Variants in C1orf159 observed in about 807,000 individuals in gnomAD.
C1orf159 encodes chromosome 1 open reading frame 159, also known as uncharacterized protein C1orf159.
Under a neutral mutation model 25.6 loss-of-function variants are expected in C1orf159, and 19 were observed. The ratio of observed to expected loss-of-function variants is 0.74; its 90% CI spans 0.52 to 1.09. C1orf159 has a LOEUF of 1.09. Ranked by LOEUF, C1orf159 falls within the 50% of genes least tolerant of loss-of-function variation. C1orf159 has a pLI of 0.00. For missense variants in C1orf159, 274 were observed against 290.6 expected, an observed-to-expected ratio of 0.94 and a Z score of 0.42; for synonymous variants, 139 against 124.7, an observed-to-expected ratio of 1.12 and a Z score of -0.77.
intron 9 of C1orf159, 182 bp downstream of exon 9, chr1:1,084,171 A>G (rs763694985): frequency 6.5e-7 from 1 of 1,534,854 alleles, no homozygotes; most frequent in Non-Finnish European, 8.8e-7. Flanking sequence ...TGAGATCCAG[A>G]GCAGGGGGCA....
chr1:1,112,610 T>C lies in C1orf159; in HGVS notation c.-136+3450A>G, dbSNP rs11804387. ...CCCCCAGTGAATACACGGGGCATGC[T>C]CCCTCCCTCCAGTGAACACACCGGG... On this transcript the variant is annotated intron_variant, in intron 1 of 9. Coordinates refer to ENST00000421241, the MANE Select transcript of C1orf159 (RefSeq NM_017891.5). Among the ~76,000 whole-genome samples the C allele has an allele frequency of 5.7e-3, 861 of 151,814 alleles. 7 individuals carry two copies. The highest frequency in any genetic ancestry group is 0.02 in the African/African-American group (819 of 41,360).
Position 1,098,227 on chromosome 1 carries a change from G to A in C1orf159, c.-135-6124C>T, listed in dbSNP as rs561678581. On this transcript the variant is annotated intron_variant, in intron 1 of 9. Transcript: ENST00000421241. ...TGGGATTACAGGTGTGCACCACCAC[G>A]CCCAGCTAATTTTTTAAACTTTTAG... Among the ~76,000 whole-genome samples the A allele has an allele frequency of 5.3e-5, 8 of 152,038 alleles. No individual in the cohort carries two copies. The South Asian group carries it at 8.3e-4, about 16-fold the overall frequency.
chr1:1,097,199 C>A (rs570712475), intron 1 of C1orf159, among the ~76,000 whole-genome samples: 2 of 151,284 alleles, frequency 1.3e-5, no homozygotes, highest in South Asian at 2.1e-4. Flanking sequence ...CTCTGCCTCC[C>A]GGGTTCAAGC....
At chr1:1,084,130 G>A in intron 9 of C1orf159, 1 of 1,558,296 alleles carries the variant, frequency 6.4e-7, no homozygotes, top group Non-Finnish European at 8.7e-7. Flanking sequence ...GATTAAAGGG[G>A]GGCGGGCAGG....
chr1:1,090,312 CAG>C, intron 4 of C1orf159, 39 bp downstream of exon 4: 1 of 1,544,794 alleles, frequency 6.5e-7, no homozygotes, highest in Non-Finnish European at 8.8e-7. Context: ...ACCAGTGGCT[CAG>C]GGGCCGGTCT....
intron 1 of C1orf159, among the ~76,000 whole-genome samples, chr1:1,103,169 T>C (rs1557432795): frequency 6.6e-6 from 1 of 152,218 alleles, no homozygotes; most frequent in Non-Finnish European, 1.5e-5. Context: ...TGACCTAAAA[T>C]TCCCATTTGG....
At chr1:1,107,516 G>A (rs2100772662) in intron 1 of C1orf159, among the ~76,000 whole-genome samples, 1 of 152,170 alleles carries the variant, frequency 6.6e-6, no homozygotes, top group Middle Eastern at 3.4e-3. Flanking sequence ...TAATCTAGTG[G>A]GGACTTGGAG....
chr1:1,090,579 C>T (rs1645913116), intron 3 of C1orf159, 151 bp from the exon 4 acceptor site: 7 of 818,596 alleles, frequency 8.6e-6, no homozygotes, highest in Non-Finnish European at 1.4e-5. Flanking sequence ...CCCTCTGTCC[C>T]CTGTGGGCCT....
intron 1 of C1orf159, among the ~76,000 whole-genome samples, chr1:1,111,674 C>T (rs117719448): frequency 3.3e-5 from 5 of 152,308 alleles, no homozygotes; most frequent in East Asian, 3.9e-4. Flanking sequence ...CCACGCTCAC[C>T]GTAACTCCAG....
At position 1,110,669 on chromosome 1, in the gene C1orf159, C is replaced by A. The variant is rs980881076; in HGVS notation, c.-136+5391G>T. Among the ~76,000 whole-genome samples the A allele has an allele frequency of 6.6e-6, 1 of 152,064 alleles. No homozygotes were observed. Among genetic ancestry groups the A allele is most frequent in the African/African-American group, 2.4e-5 (1 of 41,308 alleles). Reference sequence around the variant, plus strand: ...CCTGGGATGCAGCCTTCCCCCCGGGCACGTTCCCAAGAGAAACAACACACG... The same window carrying A: ...CCTGGGATGCAGCCTTCCCCCCGGGAACGTTCCCAAGAGAAACAACACACG... On this transcript the variant is annotated intron_variant, in intron 1 of 9. Coordinates refer to ENST00000421241, the MANE Select transcript of C1orf159 (RefSeq NM_017891.5). The surrounding 1 kb of genome is among the most constrained non-coding windows in gnomAD (Gnocchi z 4.8).
chr1:1,101,740 G>A (rs1289123338), intron 1 of C1orf159, among the ~76,000 whole-genome samples: 1 of 151,916 alleles, frequency 6.6e-6, no homozygotes, highest in Non-Finnish European at 1.5e-5. Context: ...GTTTTTCTCT[G>A]GCTGCTTTCA....
chr1:1,114,166 C>A (rs1646302025), intron 1 of C1orf159, among the ~76,000 whole-genome samples: 1 of 151,954 alleles, frequency 6.6e-6, no homozygotes, highest in Non-Finnish European at 1.5e-5. Context: ...CCGCCCCCCT[C>A]CCCCCACGGC....
At chr1:1,109,218 G>A (rs751378415) in intron 1 of C1orf159, among the ~76,000 whole-genome samples, 3 of 152,148 alleles carry the variant, frequency 2.0e-5, no homozygotes, top group South Asian at 2.1e-4. Flanking sequence ...AATTTTGGAC[G>A]CATGCTACAA....
At chr1:1,111,592 T>C (rs1646257251) in intron 1 of C1orf159, among the ~76,000 whole-genome samples, 1 of 152,094 alleles carries the variant, frequency 6.6e-6, no homozygotes, top group Non-Finnish European at 1.5e-5. Flanking sequence ...TCACTGTGAT[T>C]TTAAATAAGT....
intron 1 of C1orf159, among the ~76,000 whole-genome samples, chr1:1,112,027 G>T (rs555341408): frequency 1.4e-4 from 21 of 152,232 alleles, no homozygotes; most frequent in South Asian, 2.1e-4. Flanking sequence ...TCAGCACACC[G>T]GAGTCGGGCG....
At chr1:1,091,160 C>G (rs1214918055) in intron 3 of C1orf159, 5 of 622,376 alleles carry the variant, frequency 8.0e-6, no homozygotes, top group African/African-American at 5.5e-5. Context: ...CTACACTCCC[C>G]GATAGCGATG....
intron 1 of C1orf159, among the ~76,000 whole-genome samples, chr1:1,096,952 T>C (rs1360016312): frequency 1.3e-5 from 2 of 152,202 alleles, no homozygotes; most frequent in African/African-American, 2.4e-5. Context: ...ATGATGTTGC[T>C]GGTCTTGAAC....
intron 3 of C1orf159, 147 bp from the exon 4 acceptor site, chr1:1,090,575 G>T: frequency 1.2e-6 from 1 of 846,546 alleles, no homozygotes; most frequent in Non-Finnish European, 1.9e-6. Flanking sequence ...GTGGCCCTCT[G>T]TCCCCTGTGG....
Position 1,113,213 on chromosome 1 carries a change from T to C in C1orf159, c.-136+2847A>G, listed in dbSNP as rs867646506. Among the ~76,000 whole-genome samples the C allele has an allele frequency of 4.0e-5, 6 of 150,506 alleles. No homozygotes were observed. In the Middle Eastern group the frequency reaches 0.01, roughly 258 times the overall value. ...TCCATCTCAAAAAAAAAAAAAAAACTTGCCTCAGTCTCTCCTTCAGCCTCA... is the reference window on the plus strand; with the variant it reads ...TCCATCTCAAAAAAAAAAAAAAAACCTGCCTCAGTCTCTCCTTCAGCCTCA... On this transcript the variant is annotated intron_variant, in intron 1 of 9. Transcript: ENST00000421241.
Sources: gnomAD v4.1 joint callset for allele counts (sites outside exome capture counted in the v4.1 genomes callset) on GRCh38, gnomAD v4.1.1 for gene constraint, Gnocchi (gnomAD v3.1) non-coding constraint, MANE v1.5 for transcripts, NCBI Gene and HGNC (gene_info 2026-07-23, HGNC 2026-07-21) for gene names.